Variants in KLHL29 observed in about 807,000 individuals in gnomAD.
KLHL29 encodes the protein kelch like family member 29, also known as kelch-like protein 29.
A neutral mutation model predicts 80.4 loss-of-function variants in KLHL29; 21 were observed. The ratio of observed to expected loss-of-function variants is 0.26; its 90% CI spans 0.19 to 0.38. The LOEUF (loss-of-function observed/expected upper bound fraction) is 0.38, where lower values mean the gene tolerates loss of function less well. Among genes scored for constraint, KLHL29 ranks in the 10% least tolerant of loss-of-function variants. The pLI is 1.00. For synonymous variants in KLHL29, 511 were observed against 526.8 expected, an observed-to-expected ratio of 0.97 and a Z score of 0.41; for missense variants, 867 against 1,223.9, an observed-to-expected ratio of 0.71 and a Z score of 4.35.
intron 8 of KLHL29, among the ~76,000 whole-genome samples, chr2:23,694,366 C>G (rs530272865): frequency 6.6e-6 from 1 of 152,314 alleles, no homozygotes; most frequent in Non-Finnish European, 1.5e-5. Flanking sequence ...CTCTCCCCAT[C>G]GAGACCTTCC....
At chr2:23,511,949 CAT>C (rs947999149) in intron 2 of KLHL29, among the ~76,000 whole-genome samples, 6 of 152,118 alleles carry the variant, frequency 3.9e-5, no homozygotes, top group African/African-American at 1.4e-4. Context: ...TTCCGATACA[CAT>C]ATTGATCCCG....
chr2:23,600,303 T>C (rs1015770190), intron 3 of KLHL29, among the ~76,000 whole-genome samples: 5 of 152,216 alleles, frequency 3.3e-5, no homozygotes, highest in African/African-American at 4.8e-5. Context: ...GACAACATGG[T>C]ATCCTTTCAT....
chr2:23,626,821 C>G (rs1485648750), intron 3 of KLHL29, among the ~76,000 whole-genome samples: 1 of 152,216 alleles, frequency 6.6e-6, no homozygotes, highest in Non-Finnish European at 1.5e-5. Flanking sequence ...GAAGCCCTCC[C>G]TTGGACGTGA....
chr2:23,589,209 T>G lies in KLHL29; in HGVS notation c.285+26728T>G, dbSNP rs894436434. Among the ~76,000 whole-genome samples the G allele has an allele frequency of 5.9e-5, 9 of 152,394 alleles. 2 individuals carry two copies. In the South Asian group the frequency reaches 1.9e-3, roughly 32 times the overall value. ...CCCGTTCCTGGGCTTGTGCCTTGCC[T>G]GCAGGAATGGAGAAAGGCCTGGCCT... On this transcript the variant is annotated intron_variant, in intron 3 of 13. Transcript: ENST00000486442.
At chr2:23,407,184 C>A (rs991256820) in intron 1 of KLHL29, among the ~76,000 whole-genome samples, 10 of 152,166 alleles carry the variant, frequency 6.6e-5, no homozygotes, top group Non-Finnish European at 1.2e-4. Flanking sequence ...AATAACGTTG[C>A]AATGAAATAC....
At chr2:23,437,120 G>A (rs555408669) in intron 1 of KLHL29, among the ~76,000 whole-genome samples, 12 of 152,362 alleles carry the variant, frequency 7.9e-5, no homozygotes, top group African/African-American at 2.6e-4. Flanking sequence ...TCAGCGGAAT[G>A]TGTGGGCAAA....
At chr2:23,690,375 T>C (rs2551348) in intron 6 of KLHL29, 126,653 of 152,236 alleles carry the variant, frequency 0.83, 54,928 homozygotes, top group East Asian at 1. Context: ...AGGCACCCAG[T>C]GCCCCCAGCT....
chr2:23,561,664 C>A (rs1237371583), intron 2 of KLHL29, among the ~76,000 whole-genome samples: 2 of 152,200 alleles, frequency 1.3e-5, no homozygotes, highest in African/African-American at 4.8e-5. Flanking sequence ...CCATGCCCTG[C>A]CGCCTCACAG....
intron 3 of KLHL29, among the ~76,000 whole-genome samples, chr2:23,611,541 T>G (rs182393318): frequency 1.3e-5 from 2 of 152,308 alleles, no homozygotes; most frequent in Admixed American, 1.3e-4. Context: ...ACAAATAATC[T>G]TAGGAGAAAG....
At chr2:23,402,852 ATG>A (rs57214088) in intron 1 of KLHL29, among the ~76,000 whole-genome samples, 31,197 of 151,518 alleles carry the variant, frequency 0.21, 3,831 homozygotes, top group South Asian at 0.31. Flanking sequence ...TTTCTTATAT[ATG>A]TGTGTGTATA....
intron 1 of KLHL29, among the ~76,000 whole-genome samples, chr2:23,394,985 C>T (rs1231800460): frequency 6.6e-6 from 1 of 152,198 alleles, no homozygotes; most frequent in East Asian, 1.9e-4. Flanking sequence ...TATGCCAAAT[C>T]GGTAACATCA....
intron 2 of KLHL29, among the ~76,000 whole-genome samples, chr2:23,495,728 G>A (rs1486075327): frequency 1.3e-5 from 2 of 152,200 alleles, no homozygotes; most frequent in Non-Finnish European, 2.9e-5. Context: ...TCCGGGGGTT[G>A]ACACCCCAGA....
intron 2 of KLHL29, among the ~76,000 whole-genome samples, chr2:23,498,901 A>G (rs530358944): frequency 3.5e-4 from 54 of 152,308 alleles, no homozygotes; most frequent in African/African-American, 1.3e-3. Context: ...GTCTCTTTCC[A>G]TTGCTGAAAG....
chr2:23,488,156 G>T (rs547371345), intron 2 of KLHL29, among the ~76,000 whole-genome samples: 1 of 152,206 alleles, frequency 6.6e-6, no homozygotes, highest in East Asian at 1.9e-4. Flanking sequence ...TTGTCAGGTG[G>T]GCTTCGCAAT....
intron 2 of KLHL29, among the ~76,000 whole-genome samples, chr2:23,559,567 G>A (rs935918983): frequency 3.3e-5 from 5 of 152,114 alleles, no homozygotes; most frequent in East Asian, 1.9e-4. Context: ...CCTGGCTGTC[G>A]AACAGGGGAA....
chr2:23,515,299 C>T (rs1572369823), intron 2 of KLHL29, among the ~76,000 whole-genome samples: 1 of 152,208 alleles, frequency 6.6e-6, no homozygotes, highest in Admixed American at 6.5e-5. Flanking sequence ...CCCCCACTCC[C>T]ACAACCTCTA....
intron 3 of KLHL29, among the ~76,000 whole-genome samples, chr2:23,633,567 AGAGCTTG>A (rs1423185691): frequency 6.6e-6 from 1 of 151,944 alleles, no homozygotes; most frequent in Non-Finnish European, 1.5e-5. Flanking sequence ...GAATTCTGAG[AGAGCTTG>A]GCTAGACAGT....
chr2:23,693,936 T>G (rs1328372565), intron 8 of KLHL29, among the ~76,000 whole-genome samples: 1 of 152,156 alleles, frequency 6.6e-6, no homozygotes, highest in Non-Finnish European at 1.5e-5. Flanking sequence ...GGGACTGTGT[T>G]GGGTAAACAG....
intron 1 of KLHL29, among the ~76,000 whole-genome samples, chr2:23,418,257 C>G (rs1662656168): frequency 1.3e-5 from 2 of 152,224 alleles, no homozygotes; most frequent in African/African-American, 4.8e-5. Context: ...GAGCCAGGGC[C>G]TGATCCTTGG....
Sources: gnomAD v4.1 joint callset for allele counts (sites outside exome capture counted in the v4.1 genomes callset) on GRCh38, gnomAD v4.1.1 for gene constraint, MANE v1.5 for transcripts, NCBI Gene and HGNC (gene_info 2026-07-23, HGNC 2026-07-21) for gene names.